The following SLC26A4 variants were observed in gnomAD, a reference collection of about 807,000 sequenced individuals.
SLC26A4 encodes the protein pendrin.
Under a neutral mutation model 90.4 loss-of-function variants are expected in SLC26A4, and 93 were observed. That is an observed-to-expected ratio of 1.03 (90% CI 0.87 to 1.22). The LOEUF (loss-of-function observed/expected upper bound fraction) is 1.22. Ranked by LOEUF, SLC26A4 falls within the 50% of genes most tolerant of loss-of-function variation. SLC26A4 has a pLI of 0.00. For missense variants in SLC26A4, 1,127 were observed against 946.2 expected (o/e 1.19, Z -2.51); for synonymous variants, 393 against 354.6 (o/e 1.11, Z -1.22).
chr7:107,672,350 C>T (rs1199733142), intron 4 of SLC26A4, 102 bp downstream of exon 4: 11 of 393,066 alleles, frequency 2.8e-5, no homozygotes, highest in South Asian at 7.3e-5. Flanking sequence ...AAAGTAATTG[C>T]GGTTTTCACA....
intron 20 of SLC26A4, among the ~76,000 whole-genome samples, chr7:107,713,182 T>A (rs1792240350): frequency 6.6e-6 from 1 of 152,202 alleles, no homozygotes; most frequent in Non-Finnish European, 1.5e-5. Flanking sequence ...AGGTGAACAC[T>A]GAAGGAAGAT....
chr7:107,683,323 TC>T lies in SLC26A4; in HGVS notation c.890del (p.Pro297GlnfsTer6), dbSNP rs786204600. The T allele has an allele frequency of 6.2e-7, 1 of 1,613,876 alleles. No individual in the cohort carries two copies. Among genetic ancestry groups the T allele is most frequent in the Non-Finnish European group, 8.5e-7 (1 of 1,179,836 alleles). ...TTAAATGATCGGTTTAGACACAAAATCCCAGTCCCTATTCCTATAGAAGTAA... is the reference window on the plus strand; with the variant it reads ...TTAAATGATCGGTTTAGACACAAAATCCAGTCCCTATTCCTATAGAAGTAA... Reference protein sequence around the residue: ...KELNDRFRHKIPVPIPIEVIV... With the variant: ...KELNDRFRHKXPVPIPIEVIV... On this transcript the variant is annotated frameshift_variant, in exon 7 of 21. Transcript: ENST00000644269. LOFTEE classifies it high-confidence loss of function.
At chr7:107,707,001 C>T (rs1792051449) in intron 18 of SLC26A4, among the ~76,000 whole-genome samples, 1 of 152,032 alleles carries the variant, frequency 6.6e-6, no homozygotes, top group African/African-American at 2.4e-5. Context: ...AACGCCGTTA[C>T]TACAAAAAAT....
At chr7:107,701,224 T>G (rs371588413) in intron 16 of SLC26A4, 28 bp downstream of exon 16, 15 of 1,400,200 alleles carry the variant, frequency 1.1e-5, no homozygotes, top group Non-Finnish European at 1.4e-5. Flanking sequence ...TTTTCCCCCT[T>G]AAATTATTTC....
intron 8 of SLC26A4, among the ~76,000 whole-genome samples, chr7:107,687,638 C>A (rs1468627429): frequency 1.3e-5 from 2 of 152,172 alleles, no homozygotes; most frequent in African/African-American, 4.8e-5. Context: ...TTACACTTTG[C>A]ACACCTGGAT....
In SLC26A4 at chr7:107,717,737, A is replaced by G. The variant is rs1047126156; in HGVS notation, c.*2291A>G. ...AAAATCAAATCATGTACATTTGAAA[A>G]TATTTGCACACATTTAAAAATAAAT... On this transcript the variant is annotated 3_prime_UTR_variant, in exon 21 of 21. Coordinates refer to ENST00000644269, the MANE Select transcript of SLC26A4 (RefSeq NM_000441.2). The G allele has an allele frequency of 1.3e-5, 2 of 152,662 alleles. No individual in the cohort carries two copies. The highest frequency in any genetic ancestry group is 2.9e-5 in the Non-Finnish European group (2 of 68,040). 9.5% of individuals were successfully genotyped at this position (152,662 alleles called of 1,614,324 possible). A position where few individuals can be genotyped will look rare whatever the true frequency, so the allele number is the denominator to read the frequency against.
chr7:107,661,500 G>A lies in SLC26A4; in HGVS notation c.-3-139G>A. 1.0e-6 allele frequency: 1 copy of A among 990,830 alleles called. No homozygotes were observed. Among genetic ancestry groups the A allele is most frequent in the Non-Finnish European group, 1.5e-6 (1 of 663,682 alleles). 61.4% of individuals were successfully genotyped at this position (990,830 alleles called of 1,614,324 possible). A position where few individuals can be genotyped will look rare whatever the true frequency, so the allele number is the denominator to read the frequency against. Reference sequence around the variant, plus strand: ...CTTGTCGCGAGCGCCGAGGGCTGCAGGACGCGGACCAGACTCGCGGTGCAG... The same window carrying A: ...CTTGTCGCGAGCGCCGAGGGCTGCAAGACGCGGACCAGACTCGCGGTGCAG... On this transcript the variant is annotated intron_variant, in intron 1 of 20. Coordinates refer to ENST00000644269, the MANE Select transcript of SLC26A4 (RefSeq NM_000441.2). This position sits in a 1 kb window ranked among gnomAD's most constrained non-coding sequence, Gnocchi z 5.1.
intron 9 of SLC26A4, among the ~76,000 whole-genome samples, chr7:107,689,579 C>A (rs759215512): frequency 6.6e-6 from 1 of 152,112 alleles, no homozygotes; most frequent in Non-Finnish European, 1.5e-5. Context: ...ATAGTTGTGA[C>A]CACTTTAAAT....
Position 107,672,161 on chromosome 7 carries a change from G to A in SLC26A4, c.328G>A (p.Ala110Thr), listed in dbSNP as rs532132864. The change falls in exon 4 of 21, where the codon GCA (alanine) becomes ACA (threonine). Residue 110 changes from alanine to threonine, a missense_variant. Transcript: ENST00000644269. ...AGGGATGGCATATGCCCTACTAGCT[G>A]CAGTTCCTGTCGGATATGGTCTCTA... ...LQGMAYALLA[A>T]VPVGYGLYSA... The A allele has an allele frequency of 6.2e-7, 1 of 1,612,084 alleles. No homozygotes were observed. Among genetic ancestry groups the A allele is most frequent in the Non-Finnish European group, 8.5e-7 (1 of 1,178,290 alleles).
intron 14 of SLC26A4, among the ~76,000 whole-genome samples, chr7:107,698,978 A>AAAT (rs142163209): frequency 7.9e-5 from 12 of 152,060 alleles, no homozygotes; most frequent in African/African-American, 2.4e-4. Context: ...CAAATTTAGC[A>AAAT]AATAATAATA....
chr7:107,668,316 G>A (rs979147132), intron 3 of SLC26A4, among the ~76,000 whole-genome samples: 1 of 152,208 alleles, frequency 6.6e-6, no homozygotes, highest in Non-Finnish European at 1.5e-5. Context: ...AGGTGTGGAG[G>A]ATAGAGAGAA....
intron 8 of SLC26A4, among the ~76,000 whole-genome samples, chr7:107,683,890 A>G (rs1296443775): frequency 6.6e-6 from 1 of 152,194 alleles, no homozygotes; most frequent in African/African-American, 2.4e-5. Flanking sequence ...CAATCTGCTT[A>G]AGGAATCAGG....
intron 6 of SLC26A4, among the ~76,000 whole-genome samples, chr7:107,676,388 G>C (rs1791024699): frequency 6.6e-6 from 1 of 152,144 alleles, no homozygotes; most frequent in South Asian, 2.1e-4. Context: ...AACCATAAGA[G>C]TCCGTAAAAT....
chr7:107,665,808 C>G (rs1337277992), intron 3 of SLC26A4, among the ~76,000 whole-genome samples: 2 of 152,118 alleles, frequency 1.3e-5, no homozygotes, highest in Non-Finnish European at 2.9e-5. Flanking sequence ...TCTATTAAAT[C>G]TTGCCCAGGG....
intron 3 of SLC26A4, among the ~76,000 whole-genome samples, chr7:107,668,313 G>A (rs773290225): frequency 6.6e-6 from 1 of 152,202 alleles, no homozygotes; most frequent in Non-Finnish European, 1.5e-5. Flanking sequence ...GGAAGGTGTG[G>A]AGGATAGAGA....
At chr7:107,667,368 G>A (rs965931666) in intron 3 of SLC26A4, among the ~76,000 whole-genome samples, 19 of 151,084 alleles carry the variant, frequency 1.3e-4, no homozygotes, top group African/African-American at 4.6e-4. Context: ...GGCAAGGAGA[G>A]GGGCAGCCAA....
chr7:107,705,800 G>A (rs1792023162), intron 18 of SLC26A4, among the ~76,000 whole-genome samples: 1 of 152,216 alleles, frequency 6.6e-6, no homozygotes, highest in Admixed American at 6.5e-5. Flanking sequence ...TGACAGTCTT[G>A]GAGCTGTCTA....
chr7:107,679,877 A>AT lies in SLC26A4; in HGVS notation c.766-3324dup, dbSNP rs1221316867. ...TTATTATATTATATAATCTTATATT[A>AT]TATAATCTTATCTTATATAATCTTA... On this transcript the variant is annotated intron_variant, in intron 6 of 20. Coordinates refer to ENST00000644269, the MANE Select transcript of SLC26A4 (RefSeq NM_000441.2). 5.6e-3 allele frequency among the ~76,000 whole-genome samples: 695 copies of AT among 125,142 alleles called. 35 individuals carry two copies. Among genetic ancestry groups the AT allele is most frequent in the African/African-American group, 0.024 (679 of 28,522 alleles). The allele number at this position is 125,142 out of a possible 152,430, so 82.1% of individuals were successfully genotyped here.
rs2129319942 is a variant in SLC26A4, at chr7:107,710,160, A to G, written c.2196A>G (p.Gln732=). 6.2e-7 allele frequency: 1 copy of G among 1,609,210 alleles called. No individual in the cohort carries two copies. The highest frequency in any genetic ancestry group is 8.5e-7 in the Non-Finnish European group (1 of 1,175,524). Residue 732 remains glutamine, a synonymous_variant, in exon 19 of 21, where the codon CAA becomes CAG. Transcript: ENST00000644269. The part of the protein sequence containing the change: ...VHDAILYLQN[Q]VKSQEGQGSI... Reference sequence around the variant, plus strand: ...ATGCTATACTCTATCTACAGAACCAAGTGAAATCTCAAGAGGGTCAAGGTT... The same window carrying G: ...ATGCTATACTCTATCTACAGAACCAGGTGAAATCTCAAGAGGGTCAAGGTT...
Sources: gnomAD v4.1 joint callset for allele counts (sites outside exome capture counted in the v4.1 genomes callset) on GRCh38, gnomAD v4.1.1 for gene constraint, Gnocchi (gnomAD v3.1) non-coding constraint, MANE v1.5 for transcripts, NCBI Gene and HGNC (gene_info 2026-07-23, HGNC 2026-07-21) for gene names.